The following DGKZ variants were observed in gnomAD, a reference collection of about 807,000 sequenced individuals.
DGKZ encodes diacylglycerol kinase zeta, also known as DAG kinase zeta.
In DGKZ, 45 loss-of-function variants were observed where a neutral mutation model predicts 142.5. The ratio of observed to expected loss-of-function variants is 0.32; its 90% confidence interval spans 0.25 to 0.40. The LOEUF is 0.40. DGKZ is among the 10% of genes least tolerant of loss of function. DGKZ has a pLI of 1.00. For missense variants in DGKZ, 755 were observed against 1,306.5 expected (o/e 0.58, Z 6.51); for synonymous variants, 442 against 527.0 (o/e 0.84, Z 2.21).
At chr11:46,343,280 TATTA>T (rs975431322), upstream of DGKZ, among the ~76,000 whole-genome samples, 1 of 152,214 alleles carries the variant, frequency 6.6e-6, no homozygotes, top group Admixed American at 6.5e-5. Flanking sequence ...GATTACTGAG[TATTA>T]ATTATTAATT....
At chr11:46,343,983 T>A (rs899745827), upstream of DGKZ, among the ~76,000 whole-genome samples, 5 of 152,014 alleles carry the variant, frequency 3.3e-5, no homozygotes, top group Non-Finnish European at 7.4e-5. Flanking sequence ...AGAGTCTCAT[T>A]CTGTTGCCCA....
downstream of DGKZ, chr11:46,380,469 G>C (rs1945089226): frequency 6.6e-6 from 1 of 152,120 alleles, no homozygotes; most frequent in African/African-American, 2.4e-5. Flanking sequence ...ATCGCGGACT[G>C]TGCGGCCTGG....
intron 1 of DGKZ, chr11:46,338,517 A>G (rs1052923447): frequency 1.3e-5 from 2 of 150,318 alleles, no homozygotes; most frequent in Non-Finnish European, 2.9e-5. Flanking sequence ...AAAAAAAAAA[A>G]AAAAAAGCAC....
At chr11:46,374,126 C>T (rs754931674) in intron 14 of DGKZ, 31 bp from the exon 15 acceptor site, 4 of 1,603,404 alleles carry the variant, frequency 2.5e-6, no homozygotes, top group Non-Finnish European at 3.4e-6. Context: ...TGAGGCCCAG[C>T]CCTCATTTTG....
At chr11:46,371,828 T>C in intron 9 of DGKZ, 53 bp downstream of exon 9, 1 of 1,576,136 alleles carries the variant, frequency 6.3e-7, no homozygotes. Context: ...AGGGGTCTGT[T>C]GCTCAGGGTA....
At chr11:46,369,775 C>A in intron 5 of DGKZ, 166 bp from the exon 6 acceptor site, 1 of 899,080 alleles carries the variant, frequency 1.1e-6, no homozygotes, top group South Asian at 1.6e-5. Flanking sequence ...CCCTCTGAGT[C>A]TGAGCCTCCC....
intron 1 of DGKZ, chr11:46,366,180 C>T (rs969450341): frequency 6.9e-7 from 1 of 1,439,288 alleles, no homozygotes; most frequent in Non-Finnish European, 9.0e-7. Context: ...GAATGGGCTC[C>T]CGGACACAGG....
intron 24 of DGKZ, 24 bp downstream of exon 24, chr11:46,376,588 A>C (rs776705639): frequency 1.2e-6 from 2 of 1,613,054 alleles, no homozygotes; most frequent in Admixed American, 3.3e-5. Context: ...GGCCTGCTCC[A>C]GCCACAGCTG....
chr11:46,357,735 C>T (rs1202252747), intron 1 of DGKZ, among the ~76,000 whole-genome samples: 1 of 152,210 alleles, frequency 6.6e-6, no homozygotes, highest in African/African-American at 2.4e-5. Flanking sequence ...AAGCAGGCCT[C>T]CCAGGGCTCT....
intron 14 of DGKZ, 139 bp downstream of exon 14, chr11:46,373,240 T>C (rs1021541480): frequency 4.3e-6 from 4 of 932,338 alleles, no homozygotes; most frequent in Middle Eastern, 3.4e-4. Flanking sequence ...ATGGGAATAA[T>C]AGTACTTGCC....
upstream of DGKZ, among the ~76,000 whole-genome samples, chr11:46,343,364 G>A (rs1335735693): frequency 6.6e-6 from 1 of 152,170 alleles, no homozygotes; most frequent in Admixed American, 6.5e-5. Context: ...GGACACAAAG[G>A]TGATTACAGC....
At chr11:46,369,615 G>C in intron 5 of DGKZ, 65 bp downstream of exon 5, 1 of 1,596,468 alleles carries the variant, frequency 6.3e-7, no homozygotes, top group East Asian at 2.2e-5. Context: ...TCTGCGCAGT[G>C]CCTCTGGAGT....
chr11:46,365,538 A>C (rs945301281), intron 1 of DGKZ: 1 of 985,296 alleles, frequency 1.0e-6, no homozygotes, highest in African/African-American at 1.7e-5. Context: ...GGAGAGCCAG[A>C]CAGTGACTCT....
At chr11:46,379,985 A>G (rs1945043416) in exon 31 of DGKZ, 1 of 1,565,250 alleles carries the variant, frequency 6.4e-7, no homozygotes, top group Non-Finnish European at 8.7e-7. Flanking sequence ...CAATGCGGCC[A>G]GGGGACGAGC....
At chr11:46,347,185 G>A (rs772237378), upstream of DGKZ, among the ~76,000 whole-genome samples, 4 of 152,160 alleles carry the variant, frequency 2.6e-5, no homozygotes, top group Non-Finnish European at 5.9e-5. The surrounding 1 kb of genome is among the most constrained non-coding windows in gnomAD (Gnocchi z 6.4). Context: ...AGGGATCGGG[G>A]GAGGAAAGAT....
intron 1 of DGKZ, among the ~76,000 whole-genome samples, chr11:46,348,597 C>T (rs1487877093): frequency 6.6e-6 from 1 of 152,220 alleles, no homozygotes; most frequent in Non-Finnish European, 1.5e-5. Context: ...TCCCCCAGCA[C>T]TCCAAATGTC....
rs532059720 is a variant in DGKZ, at chr11:46,372,805, G to T, written c.1106G>T (p.Arg369Leu). 2 of 1,603,500 alleles carry T rather than the reference G, an allele frequency of 1.2e-6. No homozygotes were observed. Among genetic ancestry groups the T allele is most frequent in the Admixed American group, 3.4e-5 (2 of 59,036 alleles). ...ATCCTCTCCACCCTGGACCAGCTAC[G>T]CCTGAAGCCGCCACCCCCTGTTGCC... The change falls in exon 13 of 31, where the codon CGC becomes CTC. Residue 369 changes from arginine to leucine, a missense_variant. Arg to Leu is a moderately radical substitution (Grantham distance 102). Around this residue, in one of 8 missense-constraint regions of DGKZ, gnomAD observed 191 missense variants for 472.1 expected, o/e 0.40. Transcript: ENST00000527911. The surrounding 1 kb of genome is among the most constrained non-coding windows in gnomAD (Gnocchi z 5.9).
exon 25 of DGKZ, chr11:46,377,200 C>T (rs766112509): frequency 1.3e-6 from 2 of 1,597,406 alleles, no homozygotes; most frequent in South Asian, 1.1e-5. Flanking sequence ...TCACCCTGCT[C>T]ACCCACGCCC....
At chr11:46,348,985 T>C (rs1210137981) in intron 1 of DGKZ, among the ~76,000 whole-genome samples, 1 of 152,180 alleles carries the variant, frequency 6.6e-6, no homozygotes, top group Non-Finnish European at 1.5e-5. Context: ...TTAGCTTTGC[T>C]CTGCCCCTTC....
Sources: gnomAD v4.1 joint callset for allele counts (sites outside exome capture counted in the v4.1 genomes callset) on GRCh38, gnomAD v4.1.1 for gene constraint, gnomAD v4.1.1 regional missense constraint, Gnocchi (gnomAD v3.1) non-coding constraint, MANE v1.5 for transcripts, NCBI Gene and HGNC (gene_info 2026-07-23, HGNC 2026-07-21) for gene names.